The following SLC16A9 variants were observed in gnomAD, a reference collection of about 807,000 sequenced individuals.
SLC16A9 encodes the protein monocarboxylate transporter 9.
SLC16A9 carries 26 observed loss-of-function variants against 44.3 expected under a neutral mutation model. That is an observed-to-expected ratio of 0.59 (90% CI 0.43 to 0.81). SLC16A9 has a LOEUF of 0.81. Ranked by LOEUF, SLC16A9 falls within the 40% of genes least tolerant of loss-of-function variation. SLC16A9 has a pLI of 0.00. For synonymous variants in SLC16A9, 230 were observed against 225.1 expected, an observed-to-expected ratio of 1.02 and a Z score of -0.19; for missense variants, 559 against 595.8, an observed-to-expected ratio of 0.94 and a Z score of 0.64.
Position 59,650,923 on chromosome 10 carries a change from T to A in SLC16A9, c.*1849A>T, listed in dbSNP as rs1839181730. The A allele has an allele frequency of 6.6e-6, 1 of 152,130 alleles. No homozygotes were observed. Among genetic ancestry groups the A allele is most frequent in the Non-Finnish European group, 1.5e-5 (1 of 68,014 alleles). 9.4% of individuals were successfully genotyped at this position (152,130 alleles called of 1,614,324 possible). A position where few individuals can be genotyped will look rare whatever the true frequency, so the allele number is the denominator to read the frequency against. On this transcript the variant is annotated 3_prime_UTR_variant, in exon 6 of 6. Coordinates refer to ENST00000395348, the MANE Select transcript of SLC16A9 (RefSeq NM_194298.3). The stretch of plus-strand genomic sequence containing the variant: ...GATGTCACATCAAAGTCAAACTTTT[T>A]CAGGTTATTGGGTTTCCTGAACATA...
chr10:59,697,778 T>A (rs1164884865), intron 1 of SLC16A9, among the ~76,000 whole-genome samples: 20 of 149,280 alleles, frequency 1.3e-4, no homozygotes, highest in South Asian at 8.4e-4. Flanking sequence ...ATTAAAAAAA[T>A]AAAAAAATAA....
intron 1 of SLC16A9, among the ~76,000 whole-genome samples, chr10:59,699,281 A>G (rs892552589): frequency 6.6e-6 from 1 of 152,236 alleles, no homozygotes; most frequent in Non-Finnish European, 1.5e-5. Flanking sequence ...AGGTAGCAGG[A>G]GAGAGGCTGT....
chr10:59,678,420 T>C (rs1285356822), intron 2 of SLC16A9, among the ~76,000 whole-genome samples: 4 of 151,648 alleles, frequency 2.6e-5, no homozygotes, highest in Admixed American at 6.6e-5. Context: ...CCCACTCAAA[T>C]TGTTGATCTC....
intron 1 of SLC16A9, among the ~76,000 whole-genome samples, chr10:59,697,166 T>C (rs1156732674): frequency 1.4e-5 from 2 of 141,422 alleles, no homozygotes; most frequent in Non-Finnish European, 3.1e-5. Context: ...GGGGCGCCTC[T>C]GCCCGGCCGC....
intron 2 of SLC16A9, among the ~76,000 whole-genome samples, chr10:59,678,010 A>C: frequency 6.7e-6 from 1 of 148,958 alleles, no homozygotes; most frequent in Non-Finnish European, 1.5e-5. Context: ...AGCATTAGGT[A>C]TATCTCCCAA....
intron 1 of SLC16A9, among the ~76,000 whole-genome samples, chr10:59,691,693 T>C (rs1840256116): frequency 6.6e-6 from 1 of 152,216 alleles, no homozygotes; most frequent in Non-Finnish European, 1.5e-5. Context: ...AAAAAGACTA[T>C]TGATGAAAGA....
At chr10:59,669,194 G>A (rs904095555) in intron 3 of SLC16A9, among the ~76,000 whole-genome samples, 2 of 152,130 alleles carry the variant, frequency 1.3e-5, no homozygotes, top group East Asian at 3.8e-4. Context: ...AAAGCAAAGA[G>A]AAATTATTAG....
chr10:59,667,824 C>A lies in SLC16A9; in HGVS notation c.341-3502G>T, dbSNP rs185615307. ...TACTTGTACTACTGACCATTCACAG[C>A]ATCAGTATTAGTAAGGCATAGTTGT... On this transcript the variant is annotated intron_variant, in intron 3 of 5. Transcript: ENST00000395348. 2.0e-5 allele frequency among the ~76,000 whole-genome samples: 3 copies of A among 152,324 alleles called. No individual in the cohort carries two copies. In the East Asian group the frequency reaches 5.8e-4, roughly 29 times the overall value.
intron 4 of SLC16A9, among the ~76,000 whole-genome samples, chr10:59,657,411 G>T (rs572624237): frequency 1.4e-4 from 22 of 152,200 alleles, no homozygotes; most frequent in African/African-American, 5.1e-4. Context: ...TTGATGCGGG[G>T]TTTCTTTTTA....
chr10:59,653,555 A>G lies in SLC16A9; in HGVS notation c.1351+120T>C, dbSNP rs955963846. ...GTCTTGAATAAATCATTACCATGAGATGTTCCATGCAGATTTCTTTTGTAC... is the reference window on the plus strand; with the variant it reads ...GTCTTGAATAAATCATTACCATGAGGTGTTCCATGCAGATTTCTTTTGTAC... On this transcript the variant is annotated intron_variant, in intron 5 of 5. Transcript: ENST00000395348. 5.3e-6 allele frequency: 4 copies of G among 756,776 alleles called. No homozygotes were observed. In the African/African-American group the frequency reaches 7.0e-5, roughly 13 times the overall value. The allele number at this position is 756,776 out of a possible 1,614,324, so 46.9% of individuals were successfully genotyped here.
intron 2 of SLC16A9, among the ~76,000 whole-genome samples, chr10:59,680,221 T>C (rs980225713): frequency 3.9e-5 from 6 of 152,170 alleles, no homozygotes; most frequent in African/African-American, 1.4e-4. Context: ...AGTATTTTCT[T>C]CTCAATTATT....
rs573619563 is a variant in SLC16A9 at position 59,653,862 on chromosome 10, T to G, written c.1164A>C (p.Ala388=). The G allele has an allele frequency of 8.2e-5, 133 of 1,614,128 alleles. 1 individual carries two copies. The South Asian group carries it at 1.3e-3, about 16-fold the overall frequency. Residue 388 remains alanine (A), a synonymous_variant, in exon 5 of 6, where the codon GCA becomes GCC. Coordinates refer to ENST00000395348, the MANE Select transcript of SLC16A9 (RefSeq NM_194298.3). ...TGACATAGCTTTTGGCAAATGGAAT[T>G]GCACACAAGGCTAGGCCCATGATGA... is the stretch of plus-strand genomic sequence containing the variant. The part of the protein sequence containing the change: ...TLIIMGLALC[A]IPFAKSYVTL...
At chr10:59,703,180 G>T (rs1260229861) in intron 1 of SLC16A9, among the ~76,000 whole-genome samples, 1 of 152,140 alleles carries the variant, frequency 6.6e-6, no homozygotes, top group Non-Finnish European at 1.5e-5. Context: ...GTGCAGTGGT[G>T]CAATCACAGC....
At chr10:59,667,142 T>C (rs1353316364) in intron 3 of SLC16A9, among the ~76,000 whole-genome samples, 1 of 152,234 alleles carries the variant, frequency 6.6e-6, no homozygotes. Context: ...CACATGGATT[T>C]ACTATAACAG....
intron 1 of SLC16A9, among the ~76,000 whole-genome samples, chr10:59,697,323 G>A (rs1367562387): frequency 2.0e-5 from 3 of 150,434 alleles, no homozygotes; most frequent in African/African-American, 7.3e-5. Context: ...TTGAGAAATC[G>A]GATGGCTGCC....
chr10:59,684,032 C>T, intron 2 of SLC16A9, 64 bp downstream of exon 2: 1 of 1,374,558 alleles, frequency 7.3e-7, no homozygotes, highest in Non-Finnish European at 1.0e-6. Context: ...GCACAATGTT[C>T]ATGATGTAGT....
chr10:59,677,092 C>T (rs922211166), intron 2 of SLC16A9, among the ~76,000 whole-genome samples: 2 of 151,980 alleles, frequency 1.3e-5, no homozygotes, highest in Non-Finnish European at 2.9e-5. Flanking sequence ...CATACATTTC[C>T]TCTATCATTG....
At chr10:59,667,767 T>G (rs1001267055) in intron 3 of SLC16A9, among the ~76,000 whole-genome samples, 1 of 152,156 alleles carries the variant, frequency 6.6e-6, no homozygotes, top group South Asian at 2.1e-4. Context: ...TGTACCAACC[T>G]CCAGTAAAAG....
At chr10:59,698,886 C>T (rs1454465087) in intron 1 of SLC16A9, among the ~76,000 whole-genome samples, 4 of 152,016 alleles carry the variant, frequency 2.6e-5, no homozygotes, top group Non-Finnish European at 4.4e-5. Context: ...TACAGGCATC[C>T]GCCACCATGC....
Sources: allele counts gnomAD v4.1 joint callset (sites outside exome capture counted in the v4.1 genomes callset), GRCh38; gene constraint gnomAD v4.1.1; transcripts MANE v1.5; gene names NCBI Gene and HGNC (gene_info 2026-07-23, HGNC 2026-07-21).